TOP3B: variants seen among roughly 807,000 people sequenced by gnomAD.
TOP3B encodes DNA topoisomerase III beta.
Under a neutral mutation model 93.9 loss-of-function variants are expected in TOP3B, and 45 were observed. That is an observed-to-expected ratio of 0.48 (90% CI 0.38 to 0.61). The LOEUF is 0.61. Ranked by LOEUF, TOP3B falls within the 20% of genes least tolerant of loss-of-function variation. TOP3B has a pLI of 0.00. For synonymous variants in TOP3B, 357 were observed against 472.6 expected (o/e 0.76, Z 3.17); for missense variants, 750 against 1,156.1 (o/e 0.65, Z 5.09).
chr22:21,960,553 C>T lies in TOP3B; in HGVS notation c.1526-104G>A. 4 of 1,501,806 alleles carry T rather than the reference C, an allele frequency of 2.7e-6. No homozygotes were observed. In the South Asian group the frequency reaches 4.8e-5, roughly 18 times the overall value. The allele number at this position is 1,501,806 out of a possible 1,614,324, so 93.0% of individuals were successfully genotyped here. ...GGGGCCCCTGGTGCTCAGGCCCTCT[C>T]ACTGCTCCCGGTCACAGGAGGGAGG... On this transcript the variant is annotated intron_variant, in intron 13 of 17. Transcript: ENST00000357179.
chr22:21,962,502 C>T lies in TOP3B; in HGVS notation c.1452G>A (p.Leu484=). The change falls in exon 13 of 18, where the codon CTG becomes CTA. Residue 484 remains leucine (L), a synonymous_variant. Transcript: ENST00000357179. ...DAFPVGEVKM[L]EKQTNPPDYL... ...AGTCGGGTGGGTTCGTCTGCTTCTC[C>T]AGCATCTTCACCTCGCCCACAGGGA... 6.2e-7 allele frequency: 1 copy of T among 1,613,770 alleles called. No homozygotes were observed. The highest frequency in any genetic ancestry group is 8.5e-7 in the Non-Finnish European group (1 of 1,180,024).
At chr22:21,964,516 G>A (rs1048398828) in intron 9 of TOP3B, 29 of 614,458 alleles carry the variant, frequency 4.7e-5, no homozygotes, top group African/African-American at 9.2e-5. Context: ...GCTGAATCCC[G>A]CACCCGTAAG....
Position 21,958,378 on chromosome 22 carries a change from G to A in TOP3B, c.2107+114C>T. 2.6e-6 allele frequency: 4 copies of A among 1,565,842 alleles called. No homozygotes were observed. The East Asian group carries it at 6.8e-5, about 27-fold the overall frequency. ...GTCTCTCGTCTCAGTGCCAATGAGT[G>A]CAGGAAAGGCCAGGGTGAGGGGTCC... On this transcript the variant is annotated intron_variant, in intron 17 of 17. Transcript: ENST00000357179.
At chr22:21,975,849 T>G in intron 1 of TOP3B, 42 bp from the exon 2 acceptor site, 1 of 1,237,428 alleles carries the variant, frequency 8.1e-7, no homozygotes, top group African/African-American at 1.5e-5. Flanking sequence ...ATGCTGTCAA[T>G]AGAACCTACA....
chr22:21,979,027 C>G (rs954742875), intron 1 of TOP3B, among the ~76,000 whole-genome samples: 6 of 152,176 alleles, frequency 3.9e-5, no homozygotes, highest in African/African-American at 1.4e-4. Flanking sequence ...CTGCACTTCT[C>G]TTGGTGGAGG....
chr22:21,972,515 A>C, intron 4 of TOP3B, 97 bp downstream of exon 4: 2 of 948,618 alleles, frequency 2.1e-6, no homozygotes, highest in Non-Finnish European at 3.1e-6. Flanking sequence ...CCCCCTGTCC[A>C]AGGGGGATTA....
At chr22:21,960,091 T>C (rs239917) in intron 14 of TOP3B, 300,755 of 685,758 alleles carry the variant, frequency 0.44, 67,325 homozygotes, top group African/African-American at 0.57. Flanking sequence ...TTCGCCTCCC[T>C]TTTTGGTTCC....
intron 1 of TOP3B, among the ~76,000 whole-genome samples, chr22:21,977,879 G>A (rs1278663236): frequency 6.6e-6 from 1 of 152,084 alleles, no homozygotes; most frequent in Non-Finnish European, 1.5e-5. Context: ...GCAACACCAG[G>A]TCCTGCCCTC....
Position 21,971,275 on chromosome 22 carries a change from G to A in TOP3B, c.384+602C>T, listed in dbSNP as rs114990345. On this transcript the variant is annotated intron_variant, in intron 5 of 17. Coordinates refer to ENST00000357179, the MANE Select transcript of TOP3B (RefSeq NM_001282112.2). The surrounding 1 kb of genome is among the most constrained non-coding windows in gnomAD (Gnocchi z 4.6). ...ACGGGTGAGAGCTGGGGGTACAGGA[G>A]CACGGGGGCGACCCATAGAACAACA... The A allele has an allele frequency of 9.4e-4, 251 of 266,122 alleles. No homozygotes were observed. Among genetic ancestry groups the A allele is most frequent in the African/African-American group, 8.3e-3 (237 of 28,560 alleles). 16.5% of individuals were successfully genotyped at this position (266,122 alleles called of 1,614,324 possible). A position where few individuals can be genotyped will look rare whatever the true frequency, so the allele number is the denominator to read the frequency against.
Position 21,971,095 on chromosome 22 carries a change from T to C in TOP3B, c.385-689A>G. ...AGAAAGCCCCATGAGCTGCCCCCATTCTCCATTCCCAGATGCAAAGGCCCC... is the reference window on the plus strand; with the variant it reads ...AGAAAGCCCCATGAGCTGCCCCCATCCTCCATTCCCAGATGCAAAGGCCCC... On this transcript the variant is annotated intron_variant, in intron 5 of 17. Transcript: ENST00000357179. The surrounding 1 kb of genome is among the most constrained non-coding windows in gnomAD (Gnocchi z 4.6). The C allele has an allele frequency of 7.7e-7, 1 of 1,291,796 alleles. No individual in the cohort carries two copies. Among genetic ancestry groups the C allele is most frequent in the Middle Eastern group, 2.1e-4 (1 of 4,656 alleles). The allele number at this position is 1,291,796 out of a possible 1,614,324, so 80.0% of individuals were successfully genotyped here. A position where few individuals can be genotyped will look rare whatever the true frequency, so the allele number is the denominator to read the frequency against.
intron 1 of TOP3B, among the ~76,000 whole-genome samples, chr22:21,980,780 TCTGACCCCTGCCCCTCCCCTC>T (rs2084613833): frequency 6.6e-6 from 1 of 152,196 alleles, no homozygotes; most frequent in Non-Finnish European, 1.5e-5. Flanking sequence ...GTCTACTTGC[TCTGACCCCTGCCCCTCCCCTC>T]CTGAAGACTG....
At chr22:21,972,950 C>T (rs980535274) in intron 3 of TOP3B, 13 of 514,572 alleles carry the variant, frequency 2.5e-5, no homozygotes, top group African/African-American at 1.4e-4. Context: ...ACCCACCACA[C>T]CCCGGCCAAC....
intron 16 of TOP3B, 42 bp from the exon 17 acceptor site, chr22:21,958,735 C>G (rs748618613): frequency 7.6e-5 from 118 of 1,548,222 alleles, no homozygotes; most frequent in Non-Finnish European, 1.0e-4. Context: ...TCACTGGGGC[C>G]ACCGACTTGG....
At chr22:21,962,261 T>C in intron 13 of TOP3B, 168 bp downstream of exon 13, 2 of 1,578,496 alleles carry the variant, frequency 1.3e-6, no homozygotes, top group African/African-American at 2.7e-5. Flanking sequence ...GGATGCCCGC[T>C]GTGGACCTGC....
intron 1 of TOP3B, chr22:21,982,428 C>G (rs1397959182): frequency 6.6e-6 from 1 of 152,294 alleles, no homozygotes; most frequent in Non-Finnish European, 1.5e-5. Flanking sequence ...GAGACTGGTA[C>G]AGCAGATCTC....
intron 3 of TOP3B, chr22:21,973,120 C>T: frequency 3.4e-6 from 1 of 291,134 alleles, no homozygotes; most frequent in South Asian, 3.0e-5. Context: ...GTTTCTGGAA[C>T]TTTGTCCTTC....
At chr22:21,967,987 C>A (rs1219269184) in intron 7 of TOP3B, 1 of 434,924 alleles carries the variant, frequency 2.3e-6, no homozygotes, top group African/African-American at 2.0e-5. Flanking sequence ...TGAGCCCCTA[C>A]TTCTCACACC....
In TOP3B at chr22:21,974,338, G is replaced by A. The variant is rs968172832; in HGVS notation, c.202+19C>T. 39 of 1,609,844 alleles carry A rather than the reference G, an allele frequency of 2.4e-5. No individual in the cohort carries two copies. The highest frequency in any genetic ancestry group is 3.3e-4 in the Middle Eastern group (2 of 6,056). ...CATGCAGAACTCCCTTCAGTAGGAT[G>A]GAGGGTAGAGGGGCTTACCCAGGAA... On this transcript the variant is annotated intron_variant, in intron 3 of 17. Transcript: ENST00000357179.
intron 13 of TOP3B, 100 bp from the exon 14 acceptor site, chr22:21,960,549 C>A: frequency 5.3e-6 from 8 of 1,510,440 alleles, no homozygotes; most frequent in South Asian, 2.4e-5. Context: ...TGCTCAGGCC[C>A]TCTCACTGCT....
Sources: gnomAD v4.1 joint callset for allele counts (sites outside exome capture counted in the v4.1 genomes callset) on GRCh38, gnomAD v4.1.1 for gene constraint, Gnocchi (gnomAD v3.1) non-coding constraint, MANE v1.5 for transcripts, NCBI Gene and HGNC (gene_info 2026-07-23, HGNC 2026-07-21) for gene names.